The following SEMA3E variants were observed in gnomAD, a reference collection of about 807,000 sequenced individuals.
SEMA3E encodes the protein semaphorin 3E.
Under a neutral mutation model 93.6 loss-of-function variants are expected in SEMA3E, and 49 were observed. That is an observed-to-expected ratio of 0.52 (90% confidence interval 0.42 to 0.66). SEMA3E has a LOEUF of 0.66. Ranked by LOEUF, SEMA3E falls within the 30% of genes least tolerant of loss-of-function variation. The pLI is 0.00. For missense variants in SEMA3E, 906 were observed against 964.8 expected (o/e 0.94, Z 0.81); for synonymous variants, 363 against 330.7 (o/e 1.10, Z -1.06).
At chr7:83,371,485 G>A (rs1794748247) in intron 16 of SEMA3E, 2 of 152,220 alleles carry the variant, frequency 1.3e-5, no homozygotes, top group South Asian at 4.1e-4. Flanking sequence ...ACATTTTAAT[G>A]ATGCGTCAAT....
At chr7:83,506,250 G>A (rs746723792) in intron 1 of SEMA3E, among the ~76,000 whole-genome samples, 11 of 151,932 alleles carry the variant, frequency 7.2e-5, no homozygotes, top group African/African-American at 1.4e-4. Context: ...TAAAGAAAAC[G>A]TATAGCGCAT....
At chr7:83,435,164 C>T (rs1177410639) in intron 4 of SEMA3E, among the ~76,000 whole-genome samples, 1 of 152,174 alleles carries the variant, frequency 6.6e-6, no homozygotes, top group South Asian at 2.1e-4. Context: ...ATTGAGGATG[C>T]CACTTTTGTT....
At chr7:83,533,198 T>C (rs1299881708) in intron 1 of SEMA3E, among the ~76,000 whole-genome samples, 1 of 152,128 alleles carries the variant, frequency 6.6e-6, no homozygotes, top group Non-Finnish European at 1.5e-5. Context: ...AAGGGGAAGT[T>C]CCCTTTTCTC....
intron 16 of SEMA3E, chr7:83,371,558 T>A (rs905626135): frequency 6.6e-6 from 1 of 152,194 alleles, no homozygotes; most frequent in Admixed American, 6.5e-5. Flanking sequence ...GCGTAAGGAA[T>A]GTATGTGTTG....
chr7:83,606,215 G>A (rs1793114366), intron 1 of SEMA3E, among the ~76,000 whole-genome samples: 1 of 152,194 alleles, frequency 6.6e-6, no homozygotes, highest in Non-Finnish European at 1.5e-5. Context: ...ACAGAAGGAA[G>A]AGAACAAAGT....
chr7:83,417,112 C>G (rs1562772820), intron 5 of SEMA3E, among the ~76,000 whole-genome samples: 1 of 151,258 alleles, frequency 6.6e-6, no homozygotes, highest in African/African-American at 2.4e-5. Flanking sequence ...TATTGTACCT[C>G]TTTATTCAAG....
intron 11 of SEMA3E, among the ~76,000 whole-genome samples, chr7:83,398,709 T>G (rs547514737): frequency 1.3e-5 from 2 of 152,274 alleles, no homozygotes; most frequent in South Asian, 4.1e-4. Context: ...TTTGGGAGGC[T>G]GAGGCAGGTG....
At chr7:83,629,080 C>A (rs553883589) in intron 1 of SEMA3E, among the ~76,000 whole-genome samples, 2 of 151,532 alleles carry the variant, frequency 1.3e-5, no homozygotes, top group East Asian at 3.9e-4. Context: ...CTGGAGTTCA[C>A]TGGAGTTCAC....
intron 1 of SEMA3E, among the ~76,000 whole-genome samples, chr7:83,501,388 G>C (rs1284829323): frequency 6.6e-6 from 1 of 152,178 alleles, no homozygotes; most frequent in African/African-American, 2.4e-5. Flanking sequence ...TAGAACTAAT[G>C]TATTCTCTAC....
rs143142129 is a variant in SEMA3E at position 83,472,688 on chromosome 7, C to G, written c.277-3386G>C. Among the ~76,000 whole-genome samples the G allele has an allele frequency of 4.2e-3, 638 of 152,290 alleles. 6 individuals are homozygous for G. The highest frequency in any genetic ancestry group is 0.014 in the African/African-American group (580 of 41,560). ...TCACCGAAACACTCTACAGTTTTTA[C>G]TTAATTGCCTCCATTGAAGCCAGAT... On this transcript the variant is annotated intron_variant, in intron 2 of 16. Transcript: ENST00000643230.
At chr7:83,526,955 C>A (rs1791173271) in intron 1 of SEMA3E, among the ~76,000 whole-genome samples, 1 of 151,406 alleles carries the variant, frequency 6.6e-6, no homozygotes, top group Non-Finnish European at 1.5e-5. Flanking sequence ...CAAGCCCCAA[C>A]CCCCAGCTTT....
chr7:83,454,386 T>C (rs1025771198), intron 4 of SEMA3E, among the ~76,000 whole-genome samples: 2 of 150,074 alleles, frequency 1.3e-5, no homozygotes, highest in Admixed American at 6.6e-5. Context: ...ATTTCAGGGG[T>C]TTAGAATTGG....
intron 11 of SEMA3E, among the ~76,000 whole-genome samples, 191 bp from the exon 12 acceptor site, chr7:83,396,920 A>C (rs1158388584): frequency 1.3e-5 from 2 of 152,002 alleles, no homozygotes; most frequent in Admixed American, 6.6e-5. Flanking sequence ...CTCTACTAAA[A>C]ATACAAAAAA....
At chr7:83,520,447 T>C (rs749541509) in intron 1 of SEMA3E, among the ~76,000 whole-genome samples, 20 of 152,108 alleles carry the variant, frequency 1.3e-4, no homozygotes, top group Non-Finnish European at 1.9e-4. Flanking sequence ...GTTAACCCAG[T>C]TTTTCCAACA....
intron 4 of SEMA3E, among the ~76,000 whole-genome samples, chr7:83,452,970 T>G (rs372177233): frequency 6.6e-6 from 1 of 152,114 alleles, no homozygotes; most frequent in Non-Finnish European, 1.5e-5. Flanking sequence ...ATGGATAAAA[T>G]GCATAATTTC....
chr7:83,387,053 G>T lies in SEMA3E; in HGVS notation c.1668-3C>A. 6.2e-7 allele frequency: 1 copy of T among 1,612,646 alleles called. No homozygotes were observed. Among genetic ancestry groups the T allele is most frequent in the Non-Finnish European group, 8.5e-7 (1 of 1,179,340 alleles). On this transcript the variant is annotated splice_polypyrimidine_tract_variant and splice_region_variant and intron_variant, in intron 14 of 16. Transcript: ENST00000643230. ...GAACATCTTGTCTCCGGAAACGCCT[G>T]AAAGAAAGTAAATGCATTTAGATGT...
At chr7:83,643,200 G>GT (rs1171901162) in intron 1 of SEMA3E, among the ~76,000 whole-genome samples, 1 of 151,976 alleles carries the variant, frequency 6.6e-6, no homozygotes, top group Non-Finnish European at 1.5e-5. Context: ...CCCTCTCTGT[G>GT]TAATACTCTC....
chr7:83,595,198 C>CA (rs1055800856), intron 1 of SEMA3E, among the ~76,000 whole-genome samples: 7 of 151,928 alleles, frequency 4.6e-5, no homozygotes, highest in Admixed American at 3.9e-4. Context: ...GTCATTAAGA[C>CA]AAAAAAATTG....
chr7:83,552,445 AG>A (rs1384769184), intron 1 of SEMA3E, among the ~76,000 whole-genome samples: 1 of 152,172 alleles, frequency 6.6e-6, no homozygotes, highest in African/African-American at 2.4e-5. Context: ...ACCTTGAAAA[AG>A]AACAGAATAA....
Sources: allele counts gnomAD v4.1 joint callset (sites outside exome capture counted in the v4.1 genomes callset), GRCh38; gene constraint gnomAD v4.1.1; transcripts MANE v1.5; gene names NCBI Gene and HGNC (gene_info 2026-07-23, HGNC 2026-07-21).